RALGAPA1: variants seen among roughly 807,000 people sequenced by gnomAD.
The protein encoded by RALGAPA1 is ral GTPase-activating protein subunit alpha-1.
RALGAPA1 carries 52 observed loss-of-function variants against 269.6 expected under a neutral mutation model. That is an observed-to-expected ratio of 0.19 (90% CI 0.15 to 0.24). The LOEUF is 0.24. Among genes scored for constraint, RALGAPA1 ranks in the 10% least tolerant of loss-of-function variants. The pLI is 1.00. For synonymous variants in RALGAPA1, 817 were observed against 1,008.3 expected (o/e 0.81, Z 3.60); for missense variants, 1,917 against 3,013.9 (o/e 0.64, Z 8.52).
At chr14:35,701,651 T>C (rs2067359491) in intron 16 of RALGAPA1, among the ~76,000 whole-genome samples, 1 of 152,158 alleles carries the variant, frequency 6.6e-6, no homozygotes, top group South Asian at 2.1e-4. Flanking sequence ...TTTTTCTTTT[T>C]CTTTTTTTGA....
intron 17 of RALGAPA1, among the ~76,000 whole-genome samples, chr14:35,694,781 A>T (rs1330356614): frequency 1.3e-5 from 2 of 152,122 alleles, no homozygotes; most frequent in African/African-American, 2.4e-5. Flanking sequence ...TGTTCTTTTT[A>T]AAAAATTAAT....
At chr14:35,560,012 T>C (rs1299754132) in intron 39 of RALGAPA1, among the ~76,000 whole-genome samples, 1 of 152,228 alleles carries the variant, frequency 6.6e-6, no homozygotes, top group East Asian at 1.9e-4. Context: ...CAATACTGGC[T>C]ATTAGCCTGG....
intron 1 of RALGAPA1, among the ~76,000 whole-genome samples, chr14:35,803,628 T>C (rs1051217582): frequency 6.6e-5 from 10 of 150,754 alleles, no homozygotes; most frequent in Non-Finnish European, 1.5e-4. Context: ...CTAGAATATA[T>C]AAAGAACTTT....
chr14:35,625,567 C>T (rs910693851), intron 34 of RALGAPA1, 135 bp from the exon 35 acceptor site: 4 of 531,308 alleles, frequency 7.5e-6, no homozygotes, highest in Non-Finnish European at 9.8e-6. Flanking sequence ...CAAAGGAGAA[C>T]AGACCCTAAA....
intron 41 of RALGAPA1, 65 bp from the exon 42 acceptor site, chr14:35,539,755 T>C (rs1594471710): frequency 1.9e-6 from 3 of 1,581,398 alleles, no homozygotes; most frequent in East Asian, 2.3e-5. Flanking sequence ...AAATAATCTT[T>C]CTGCTACTAA....
At chr14:35,713,541 T>G (rs1284215213) in intron 16 of RALGAPA1, among the ~76,000 whole-genome samples, 1 of 152,214 alleles carries the variant, frequency 6.6e-6, no homozygotes, top group East Asian at 1.9e-4. Context: ...TTCTCAATGA[T>G]GAGGAGGAAT....
chr14:35,649,314 A>C (rs180716757), intron 31 of RALGAPA1, among the ~76,000 whole-genome samples: 3 of 152,316 alleles, frequency 2.0e-5, no homozygotes, highest in Admixed American at 2.0e-4. Flanking sequence ...TTTTAATAAT[A>C]ATCACCATAT....
chr14:35,623,448 C>T (rs1250094797), intron 35 of RALGAPA1, among the ~76,000 whole-genome samples: 1 of 151,468 alleles, frequency 6.6e-6, no homozygotes, highest in Non-Finnish European at 1.5e-5. Context: ...AATTTGAAAA[C>T]AGATGAAAAT....
Position 35,808,764 on chromosome 14 carries a change from T to C in RALGAPA1, c.72A>G (p.Ala24=). The change falls in exon 1 of 42, where the codon GCA becomes GCG. Residue 24 remains alanine (A), a synonymous_variant. Transcript: ENST00000680220. ...TGCGCAGGTGCTTGAGGCGAGTCAGTGCGTCCTTCTTGGTGTCTAGCACCT... is the reference window on the plus strand; with the variant it reads ...TGCGCAGGTGCTTGAGGCGAGTCAGCGCGTCCTTCTTGGTGTCTAGCACCT... The part of the protein sequence containing the change: ...TQKVLDTKKD[A]LTRLKHLRIV... The C allele has an allele frequency of 6.2e-7, 1 of 1,613,422 alleles. No homozygotes were observed. Among genetic ancestry groups the C allele is most frequent in the Middle Eastern group, 1.7e-4 (1 of 6,042 alleles).
In RALGAPA1 at chr14:35,659,154, G is replaced by A. The variant is rs746942386; in HGVS notation, c.5371C>T (p.Pro1791Ser). The part of the protein sequence containing the change: ...KTVLSSARDE[P>S]SGPARCVALC... ...CCGACCTACCGTGCAGGACCAGAGG[G>A]CTCATCTCTTGCCGAGCTTAATACA... The change falls in exon 28 of 42, where the codon CCC (proline) becomes TCC (serine). Residue 1791 changes from proline (P) to serine (S), a missense_variant. Physicochemically the swap from Pro to Ser is moderately conservative, Grantham distance 74 (BLOSUM62 -1). This residue lies in a region of RALGAPA1 where 346 missense variants were observed against 566.1 expected (regional missense o/e 0.61). Transcript: ENST00000680220. 21 of 1,610,500 alleles carry A rather than the reference G, an allele frequency of 1.3e-5. No homozygotes were observed. Among genetic ancestry groups the A allele is most frequent in the Non-Finnish European group, 1.8e-5 (21 of 1,178,080 alleles).
chr14:35,746,444 A>G (rs1487803321), intron 10 of RALGAPA1, among the ~76,000 whole-genome samples: 2 of 152,194 alleles, frequency 1.3e-5, no homozygotes, highest in African/African-American at 4.8e-5. Flanking sequence ...ATGTAAGGCC[A>G]TGATTATGTT....
chr14:35,720,796 C>T (rs1418128129), intron 16 of RALGAPA1, among the ~76,000 whole-genome samples: 2 of 152,036 alleles, frequency 1.3e-5, no homozygotes, highest in East Asian at 1.9e-4. Context: ...TGGTGGCAGG[C>T]GCCTGTAGTC....
At chr14:35,660,711 G>A (rs904291244) in intron 27 of RALGAPA1, among the ~76,000 whole-genome samples, 5 of 151,992 alleles carry the variant, frequency 3.3e-5, no homozygotes, top group Non-Finnish European at 5.9e-5. Context: ...TCCCTTGAAG[G>A]ACTAATGGAT....
chr14:35,800,873 C>T (rs1237645476), intron 1 of RALGAPA1, among the ~76,000 whole-genome samples: 4 of 151,870 alleles, frequency 2.6e-5, no homozygotes, highest in African/African-American at 7.3e-5. Flanking sequence ...GGCGGGGTGG[C>T]GCATGCCTGT....
At chr14:35,806,879 A>C (rs996985034) in intron 1 of RALGAPA1, among the ~76,000 whole-genome samples, 4 of 152,218 alleles carry the variant, frequency 2.6e-5, no homozygotes, top group African/African-American at 9.6e-5. Flanking sequence ...ATTTTCTTAG[A>C]AATTACATTA....
chr14:35,541,640 T>C (rs557112104), intron 41 of RALGAPA1: 230 of 438,644 alleles, frequency 5.2e-4, no homozygotes, highest in Middle Eastern at 2.1e-3. Context: ...GCACTGCAGA[T>C]GGATGGCAGA....
intron 39 of RALGAPA1, among the ~76,000 whole-genome samples, chr14:35,563,869 T>C (rs142753586): frequency 3.1e-4 from 47 of 152,196 alleles, no homozygotes; most frequent in African/African-American, 1.1e-3. Flanking sequence ...TGGAGTGCAA[T>C]GGTATGATCT....
chr14:35,649,910 G>A (rs2062699908), intron 31 of RALGAPA1, among the ~76,000 whole-genome samples: 1 of 152,076 alleles, frequency 6.6e-6, no homozygotes, highest in South Asian at 2.1e-4. Context: ...AATTTAGTGG[G>A]CAAGAAAACA....
intron 16 of RALGAPA1, among the ~76,000 whole-genome samples, chr14:35,712,169 C>T (rs1331569732): frequency 6.6e-6 from 1 of 150,836 alleles, no homozygotes. Context: ...ATTGCTTGAA[C>T]CTGGGAGGCG....
Sources: allele counts gnomAD v4.1 joint callset (sites outside exome capture counted in the v4.1 genomes callset), GRCh38; gene constraint gnomAD v4.1.1; regional missense constraint gnomAD v4.1.1; transcripts MANE v1.5; gene names NCBI Gene and HGNC (gene_info 2026-07-23, HGNC 2026-07-21).